Variants in CLNK observed in about 807,000 individuals in gnomAD.
CLNK encodes cytokine dependent hematopoietic cell linker, also known as cytokine-dependent hematopoietic cell linker.
In CLNK, 74 loss-of-function variants were observed where a neutral mutation model predicts 68.6. The observed-to-expected ratio is 1.08, with a 90% CI of 0.89 to 1.31. The LOEUF is 1.31. Ranked by LOEUF, CLNK falls within the 50% of genes most tolerant of loss-of-function variation. The pLI, the probability that CLNK is intolerant of heterozygous loss-of-function variation, is 0.00. For missense variants in CLNK, 553 were observed against 515.3 expected (o/e 1.07, Z -0.71); for synonymous variants, 198 against 172.2 (o/e 1.15, Z -1.17).
At position 10,532,255 on chromosome 4, in the gene CLNK, C is replaced by T. The variant is rs777230629; in HGVS notation, c.630+1G>A. ...CTTCCAAGGATAAAATTGCTACTTA[C>T]CTCACTTAAGTCCCTTAAGCTTATC... On this transcript the variant is annotated splice_donor_variant, in intron 12 of 18. Transcript: ENST00000226951. LOFTEE classifies it high-confidence loss of function. The T allele has an allele frequency of 1.2e-5, 20 of 1,609,750 alleles. No homozygotes were observed. The highest frequency in any genetic ancestry group is 1.3e-5 in the African/African-American group (1 of 74,964).
upstream of CLNK, among the ~76,000 whole-genome samples, chr4:10,687,898 A>T (rs1434883085): frequency 6.6e-6 from 1 of 152,124 alleles, no homozygotes; most frequent in Non-Finnish European, 1.5e-5. Context: ...TATTGGGTTC[A>T]TGGATCCTGA....
chr4:10,720,330 C>T, the CLNK span, among the ~76,000 whole-genome samples: 1 of 151,966 alleles, frequency 6.6e-6, no homozygotes. Context: ...ACACAAATTA[C>T]CATGACTAGG....
the CLNK span, among the ~76,000 whole-genome samples, chr4:10,700,004 A>ATGTGTGTGTG: frequency 0.17 from 24,408 of 144,814 alleles, 2,130 homozygotes; most frequent in East Asian, 0.35. Flanking sequence ...GTGTGTGCAT[A>ATGTGTGTGTG]TGTGTGTGTG....
At chr4:10,608,481 A>G (rs928770714) in intron 2 of CLNK, among the ~76,000 whole-genome samples, 3 of 152,174 alleles carry the variant, frequency 2.0e-5, no homozygotes, top group African/African-American at 2.4e-5. Context: ...TCTGTGAACT[A>G]GAATGATGCT....
intron 1 of CLNK, among the ~76,000 whole-genome samples, chr4:10,684,237 G>T (rs906009409): frequency 3.9e-5 from 6 of 152,136 alleles, no homozygotes; most frequent in Non-Finnish European, 8.8e-5. Flanking sequence ...TTTAGAAAAT[G>T]TTAAAAATAT....
At position 10,580,172 on chromosome 4, in the gene CLNK, A is replaced by C. The variant is rs957558882; in HGVS notation, c.112+4755T>G. The stretch of plus-strand genomic sequence containing the variant: ...CTCCACTGATCGGATCCATATCATT[A>C]CCTAATGATGTTGTAGCCATTATAA... On this transcript the variant is annotated intron_variant, in intron 4 of 18. Coordinates refer to ENST00000226951, the MANE Select transcript of CLNK (RefSeq NM_052964.4). Among the ~76,000 whole-genome samples, 5 of 152,302 alleles carry C rather than the reference A, an allele frequency of 3.3e-5. 1 individual carries two copies. The South Asian group carries it at 1.0e-3, about 32-fold the overall frequency.
chr4:10,709,482 G>A, the CLNK span, among the ~76,000 whole-genome samples: 7 of 152,152 alleles, frequency 4.6e-5, no homozygotes, highest in African/African-American at 1.7e-4. Context: ...GAGTCTTTCT[G>A]ATTCTAAACT....
upstream of CLNK, among the ~76,000 whole-genome samples, chr4:10,689,604 G>A (rs1369715287): frequency 6.6e-6 from 1 of 152,086 alleles, no homozygotes; most frequent in East Asian, 1.9e-4. Context: ...AAGGCCTGGA[G>A]TAGCACCTTG....
At chr4:10,526,601 C>T (rs1313065596) in intron 13 of CLNK, among the ~76,000 whole-genome samples, 1 of 152,074 alleles carries the variant, frequency 6.6e-6, no homozygotes, top group African/African-American at 2.4e-5. Context: ...GTGCACAGCT[C>T]GTCATGGCGC....
chr4:10,727,246 G>T, the CLNK span, among the ~76,000 whole-genome samples: 1 of 152,130 alleles, frequency 6.6e-6, no homozygotes, highest in African/African-American at 2.4e-5. Flanking sequence ...TGATCTTTCT[G>T]CCCACTTAAG....
intron 2 of CLNK, among the ~76,000 whole-genome samples, chr4:10,628,251 C>G (rs1480046648): frequency 6.6e-6 from 1 of 152,116 alleles, no homozygotes; most frequent in Non-Finnish European, 1.5e-5. Context: ...CAATGTTTCT[C>G]CCTCACACAA....
intron 7 of CLNK, among the ~76,000 whole-genome samples, chr4:10,563,699 G>C (rs1030647235): frequency 1.1e-4 from 17 of 152,242 alleles, no homozygotes; most frequent in Non-Finnish European, 2.1e-4. Context: ...ACGAGGTCAG[G>C]ATTTTGAGAC....
In CLNK at chr4:10,598,073, T is replaced by C. The variant is rs187019771; in HGVS notation, c.12-24A>G. 26 of 1,502,590 alleles carry C rather than the reference T, an allele frequency of 1.7e-5. No homozygotes were observed. The East Asian group carries it at 3.8e-4, about 22-fold the overall frequency. 93.1% of individuals were successfully genotyped at this position (1,502,590 alleles called of 1,614,324 possible). ...CCCTGGGATGAAAGAAAATAAATTA[T>C]AGCTGGGAAATAGCAAGAAGCTAGG... On this transcript the variant is annotated intron_variant, in intron 2 of 18. Coordinates refer to ENST00000226951, the MANE Select transcript of CLNK (RefSeq NM_052964.4).
chr4:10,578,076 C>A (rs116199346), intron 4 of CLNK, among the ~76,000 whole-genome samples: 6,190 of 152,216 alleles, frequency 0.041, 187 homozygotes, highest in Middle Eastern at 0.095. Context: ...TACCTACCCC[C>A]AAATGGCTGT....
chr4:10,540,520 G>C lies in CLNK; in HGVS notation c.576C>G (p.Thr192=), dbSNP rs1198724280. Residue 192 remains threonine, a synonymous_variant, in exon 11 of 19, where the codon ACC becomes ACG. Coordinates refer to ENST00000226951, the MANE Select transcript of CLNK (RefSeq NM_052964.4). ...SSRPPLSQRH[T]FPEVQRMPSQ... is the part of the protein sequence containing the mutation. ...TGGGCATTCTCTGGACTTCTGGAAA[G>C]GTGTGTCTCTGAGATAAAGGTGGCC... is the stretch of plus-strand genomic sequence containing the variant. 1.9e-6 allele frequency: 3 copies of C among 1,613,246 alleles called. No individual in the cohort carries two copies. Among genetic ancestry groups the C allele is most frequent in the Non-Finnish European group, 2.5e-6 (3 of 1,179,372 alleles).
At chr4:10,615,618 T>C (rs1339153367) in intron 2 of CLNK, among the ~76,000 whole-genome samples, 1 of 152,206 alleles carries the variant, frequency 6.6e-6, no homozygotes, top group African/African-American at 2.4e-5. Context: ...GCTCCAGGTA[T>C]AGACCCCAGG....
intron 2 of CLNK, among the ~76,000 whole-genome samples, chr4:10,637,440 T>TG (rs1228591648): frequency 2.7e-5 from 4 of 149,178 alleles, no homozygotes; most frequent in Non-Finnish European, 6.0e-5. Flanking sequence ...TAAAAAAAGT[T>TG]TTTTTTTTTT....
chr4:10,720,353 C>G, the CLNK span, among the ~76,000 whole-genome samples: 1 of 151,936 alleles, frequency 6.6e-6, no homozygotes, highest in Non-Finnish European at 1.5e-5. Flanking sequence ...TGAAAGATTA[C>G]TAGGAACATC....
chr4:10,597,066 T>C (rs370765631), intron 3 of CLNK, among the ~76,000 whole-genome samples: 3 of 152,258 alleles, frequency 2.0e-5, no homozygotes, highest in African/African-American at 7.2e-5. Context: ...TTCTATCATC[T>C]TACCAGCATT....
Sources: allele counts gnomAD v4.1 joint callset (sites outside exome capture counted in the v4.1 genomes callset), GRCh38; gene constraint gnomAD v4.1.1; transcripts MANE v1.5; gene names NCBI Gene and HGNC (gene_info 2026-07-23, HGNC 2026-07-21).